Variants in PCDHA9 observed in about 807,000 individuals in gnomAD.
PCDHA9 encodes the protein protocadherin alpha-9.
PCDHA9 carries 62 observed loss-of-function variants against 62.0 expected under a neutral mutation model. The ratio of observed to expected loss-of-function variants is 1.00; its 90% confidence interval spans 0.81 to 1.23. The LOEUF is 1.23. Among genes scored for constraint, PCDHA9 ranks in the 50% most tolerant of loss-of-function variants. The pLI is 0.00. For missense variants in PCDHA9, 1,205 were observed against 1,249.8 expected (o/e 0.96, Z 0.54); for synonymous variants, 557 against 567.6 (o/e 0.98, Z 0.27).
In PCDHA9 at chr5:140,967,905, C is replaced by G. The variant is rs782291807; in HGVS notation, c.2395-11044C>G. ...AGCCCAGTGCCTGAGAATGCTACAC[C>G]CAACACCATTGTGGCCGTTCTCAGT... is the stretch of plus-strand genomic sequence containing the variant. On this transcript the variant is annotated intron_variant, in intron 1 of 3. Transcript: ENST00000532602. 36 of 1,614,168 alleles carry G rather than the reference C, an allele frequency of 2.2e-5. No homozygotes were observed. Among genetic ancestry groups the G allele is most frequent in the Non-Finnish European group, 2.8e-5 (33 of 1,180,028 alleles).
intron 1 of PCDHA9, among the ~76,000 whole-genome samples, chr5:140,906,958 G>A (rs1220105162): frequency 1.3e-5 from 2 of 152,124 alleles, no homozygotes; most frequent in Non-Finnish European, 2.9e-5. Flanking sequence ...CAGTTTAATG[G>A]AATCGTGGTT....
At chr5:140,988,424 G>C (rs1563549055) in intron 3 of PCDHA9, among the ~76,000 whole-genome samples, 1 of 152,158 alleles carries the variant, frequency 6.6e-6, no homozygotes, top group Non-Finnish European at 1.5e-5. Context: ...TAAAGAATTT[G>C]TTTGTTTTGG....
intron 3 of PCDHA9, among the ~76,000 whole-genome samples, chr5:141,006,560 C>G (rs1179730864): frequency 2.0e-5 from 3 of 152,084 alleles, no homozygotes; most frequent in Non-Finnish European, 4.4e-5. Flanking sequence ...AAAGATGACT[C>G]TGGCTACTGT....
At position 140,872,081 on chromosome 5, in the gene PCDHA9, C is replaced by A. The variant is rs559710022; in HGVS notation, c.2394+21192C>A. ...TCCAGAGTAGCTGGGAATGCAGTGC[C>A]ACTGCACTTAGTCCATTGGCTTTCC... On this transcript the variant is annotated intron_variant, in intron 1 of 3. Transcript: ENST00000532602. Among the ~76,000 whole-genome samples the A allele has an allele frequency of 2.6e-5, 4 of 152,212 alleles. No individual in the cohort carries two copies. In the South Asian group the frequency reaches 8.3e-4, roughly 32 times the overall value.
At chr5:140,989,777 A>G (rs1406464822) in intron 3 of PCDHA9, among the ~76,000 whole-genome samples, 2 of 152,230 alleles carry the variant, frequency 1.3e-5, no homozygotes, top group African/African-American at 4.8e-5. Context: ...AGCACTGGCT[A>G]GAGACTAGAG....
intron 1 of PCDHA9, among the ~76,000 whole-genome samples, chr5:140,954,517 A>G (rs1554221451): frequency 6.6e-6 from 1 of 152,182 alleles, no homozygotes; most frequent in Non-Finnish European, 1.5e-5. Flanking sequence ...TTACCTAATG[A>G]TCAGTGATGT....
intron 1 of PCDHA9, among the ~76,000 whole-genome samples, chr5:140,905,904 C>T (rs2072197856): frequency 6.6e-6 from 1 of 152,160 alleles, no homozygotes; most frequent in African/African-American, 2.4e-5. Context: ...AGCTGAGGAG[C>T]AAGGAATCCA....
intron 1 of PCDHA9, chr5:140,968,830 C>G: frequency 6.2e-7 from 1 of 1,614,198 alleles, no homozygotes; most frequent in Non-Finnish European, 8.5e-7. Context: ...CCAAAATCCT[C>G]CCTGACACTC....
intron 1 of PCDHA9, among the ~76,000 whole-genome samples, chr5:140,871,851 A>G (rs561924103): frequency 6.6e-6 from 1 of 152,382 alleles, no homozygotes; most frequent in East Asian, 1.9e-4. Flanking sequence ...AATTATGACC[A>G]TAATAACTAT....
chr5:140,938,908 C>A (rs1213664574), intron 1 of PCDHA9, among the ~76,000 whole-genome samples: 1 of 152,074 alleles, frequency 6.6e-6, no homozygotes, highest in Non-Finnish European at 1.5e-5. Flanking sequence ...CACACACACA[C>A]ACGCACAAGA....
Position 140,850,282 on chromosome 5 carries a change from C to T in PCDHA9, c.1787C>T (p.Ala596Val), listed in dbSNP as rs2150477546. 2 of 1,595,502 alleles carry T rather than the reference C, an allele frequency of 1.3e-6. No homozygotes were observed. Among genetic ancestry groups the T allele is most frequent in the African/African-American group, 2.7e-5 (2 of 74,248 alleles). Residue 596 changes from alanine (A) to valine (V), a missense_variant, in exon 1 of 4, where the codon GCA becomes GTA. Physicochemically the swap from Ala to Val is moderately conservative, Grantham distance 64. Coordinates refer to ENST00000532602, the MANE Select transcript of PCDHA9 (RefSeq NM_031857.2). ...GGCGTAGTGGTGGGGAAGGTGCGCG[C>T]AGTGGACGCCGACTCGGGCTACAAC... ...GAGVVVGKVRAVDADSGYNAW... is the reference protein window; with the variant it reads ...GAGVVVGKVRVVDADSGYNAW...
intron 1 of PCDHA9, chr5:140,883,535 C>A: frequency 6.2e-7 from 1 of 1,614,248 alleles, no homozygotes; most frequent in South Asian, 1.1e-5. Flanking sequence ...AGCCTATGAA[C>A]TGGTGGTGAC....
chr5:140,961,445 C>T (rs772072156), intron 1 of PCDHA9, among the ~76,000 whole-genome samples: 1 of 152,214 alleles, frequency 6.6e-6, no homozygotes, highest in South Asian at 2.1e-4. Context: ...CCTAACTACA[C>T]TGTCTTGCAG....
At chr5:140,860,434 C>A (rs1562553401) in intron 1 of PCDHA9, 1 of 152,038 alleles carries the variant, frequency 6.6e-6, no homozygotes, top group Non-Finnish European at 1.5e-5. Context: ...CAAATATGAT[C>A]TTTTTCATAT....
rs2150477897 is a variant in PCDHA9, at chr5:140,850,290, G to A, written c.1795G>A (p.Ala599Thr). ...VVVGKVRAVD[A>T]DSGYNAWLSY... Reference sequence around the variant, plus strand: ...GGTGGGGAAGGTGCGCGCAGTGGACGCCGACTCGGGCTACAACGCGTGGCT... The same window carrying A: ...GGTGGGGAAGGTGCGCGCAGTGGACACCGACTCGGGCTACAACGCGTGGCT... The change falls in exon 1 of 4, where the codon GCC (alanine) becomes ACC (threonine). Residue 599 changes from alanine to threonine, a missense_variant. By Grantham distance (58) the Ala-to-Thr change is moderately conservative (BLOSUM62 0). Coordinates refer to ENST00000532602, the MANE Select transcript of PCDHA9 (RefSeq NM_031857.2). 4.4e-6 allele frequency: 7 copies of A among 1,595,816 alleles called. 1 individual carries two copies. The highest frequency in any genetic ancestry group is 6.0e-6 in the Non-Finnish European group (7 of 1,167,570).
Position 140,850,098 on chromosome 5 carries a change from G to A in PCDHA9, c.1603G>A (p.Val535Met). 6.3e-7 allele frequency: 1 copy of A among 1,596,440 alleles called. No individual in the cohort carries two copies. The highest frequency in any genetic ancestry group is 1.1e-5 in the South Asian group (1 of 90,492). Residue 535 changes from valine (V) to methionine (M), a missense_variant, in exon 1 of 4, where the codon GTG becomes ATG. By Grantham distance (21) the Val-to-Met change is conservative. Coordinates refer to ENST00000532602, the MANE Select transcript of PCDHA9 (RefSeq NM_031857.2). Reference protein sequence around the residue: ...HEELELLQFQVSARDAGVPPL... With the variant: ...HEELELLQFQMSARDAGVPPL... ...GGAGCTGGAGCTGCTACAGTTCCAG[G>A]TGAGCGCGCGCGACGCGGGCGTGCC...
intron 1 of PCDHA9, among the ~76,000 whole-genome samples, chr5:140,964,705 C>T (rs1361202248): frequency 2.6e-5 from 4 of 151,550 alleles, no homozygotes; most frequent in Non-Finnish European, 4.4e-5. Flanking sequence ...TTAAGGCCTC[C>T]GAGATCAAAT....
intron 1 of PCDHA9, chr5:140,875,770 G>A: frequency 1.2e-6 from 2 of 1,614,230 alleles, no homozygotes; most frequent in East Asian, 2.2e-5. Flanking sequence ...CGGGCGGAGC[G>A]CGGAGTGCAG....
rs79336587 is a variant in PCDHA9 at position 140,997,550 on chromosome 5, C to T, written c.2543-12077C>T. Reference sequence around the variant, plus strand: ...ATAAAAATACATTATTATAATCTTACAGGACAACTGTCATATGTGTGGTCC... The same window carrying T: ...ATAAAAATACATTATTATAATCTTATAGGACAACTGTCATATGTGTGGTCC... On this transcript the variant is annotated intron_variant, in intron 3 of 3. Coordinates refer to ENST00000532602, the MANE Select transcript of PCDHA9 (RefSeq NM_031857.2). Among the ~76,000 whole-genome samples, 1,283 of 152,208 alleles carry T rather than the reference C, an allele frequency of 8.4e-3. 21 individuals carry two copies. The highest frequency in any genetic ancestry group is 0.029 in the African/African-American group (1,211 of 41,522).
Sources: gnomAD v4.1 joint callset for allele counts (sites outside exome capture counted in the v4.1 genomes callset) on GRCh38, gnomAD v4.1.1 for gene constraint, MANE v1.5 for transcripts, NCBI Gene and HGNC (gene_info 2026-07-23, HGNC 2026-07-21) for gene names.